The following LYRM9 variants were observed in gnomAD, a reference collection of about 807,000 sequenced individuals.
LYRM9 encodes the protein LYR motif containing 9, also known as LYR motif-containing protein 9.
LYRM9 carries 14 observed loss-of-function variants against 12.6 expected under a neutral mutation model. The ratio of observed to expected loss-of-function variants is 1.11; its 90% CI spans 0.73 to 1.73. LYRM9 has a LOEUF of 1.73. Ranked by LOEUF, LYRM9 falls within the 40% of genes most tolerant of loss-of-function variation. LYRM9 has a pLI of 0.00. For synonymous variants in LYRM9, 42 were observed against 35.1 expected (o/e 1.20, Z -0.69); for missense variants, 94 against 95.0 (o/e 0.99, Z 0.04).
chr17:27,882,806 G>A (rs964269134), intron 1 of LYRM9, 94 bp from the exon 2 acceptor site: 10 of 1,375,174 alleles, frequency 7.3e-6, no homozygotes, highest in African/African-American at 2.9e-5. Context: ...AGCAAGCTTG[G>A]TGCAGTGCAG....
At chr17:27,887,714 GTGTGT>G (rs1478024164) in intron 1 of LYRM9, among the ~76,000 whole-genome samples, 1 of 111,930 alleles carries the variant, frequency 8.9e-6, no homozygotes, top group Non-Finnish European at 1.8e-5. Context: ...AGGAGGGAGG[GTGTGT>G]GTGTGTGTGT....
chr17:27,882,538 A>C, intron 2 of LYRM9, 31 bp downstream of exon 2: 1 of 1,538,554 alleles, frequency 6.5e-7, no homozygotes, highest in Non-Finnish European at 8.8e-7. Context: ...CATTAGAGGC[A>C]GCCCCCAGAC....
In LYRM9 at chr17:27,880,356, A is replaced by C; in HGVS notation, c.137T>G (p.Val46Gly). ...YKHAVRQSFR[V>G]HSDEDNPERI... is the part of the protein sequence containing the mutation. ...CTCAGGGTTGTCTTCATCTGAATGA[A>C]CCCGAAAACTCTGCAAGTTTAAGCA... is the stretch of plus-strand genomic sequence containing the variant. Residue 46 changes from valine to glycine, a missense_variant, in exon 3 of 4, where the codon GTT becomes GGT. By Grantham distance (109) the Val-to-Gly change is moderately radical. Transcript: ENST00000379102. The C allele has an allele frequency of 6.2e-7, 1 of 1,604,338 alleles. No individual in the cohort carries two copies. Among genetic ancestry groups the C allele is most frequent in the Non-Finnish European group, 8.5e-7 (1 of 1,174,980 alleles).
chr17:27,883,259 G>T, intron 1 of LYRM9: 1 of 280,008 alleles, frequency 3.6e-6, no homozygotes, highest in East Asian at 1.1e-4. Flanking sequence ...GATGCCAGGA[G>T]ATTTGCAGGC....
At chr17:27,884,477 C>T (rs976055792) in intron 1 of LYRM9, among the ~76,000 whole-genome samples, 36 of 152,242 alleles carry the variant, frequency 2.4e-4, no homozygotes, top group African/African-American at 7.5e-4. Context: ...GCTCCCTGGC[C>T]GTGGACTCCT....
chr17:27,887,704 A>AGGAG (rs1173410065), intron 1 of LYRM9, among the ~76,000 whole-genome samples: 1,628 of 141,994 alleles, frequency 0.011, 32 homozygotes, highest in African/African-American at 0.04. Flanking sequence ...CAGAACCTAT[A>AGGAG]GGAGGGAGGG....
intron 2 of LYRM9, among the ~76,000 whole-genome samples, chr17:27,882,314 C>T (rs1905086921): frequency 6.6e-6 from 1 of 152,134 alleles, no homozygotes; most frequent in East Asian, 1.9e-4. Context: ...ATGTCGTGTC[C>T]CACAGTCTAT....
At chr17:27,890,681 T>A (rs1216457102) in intron 1 of LYRM9, among the ~76,000 whole-genome samples, 2 of 152,122 alleles carry the variant, frequency 1.3e-5, no homozygotes, top group East Asian at 3.8e-4. Flanking sequence ...TGGGAAAAAG[T>A]CATATATTAA....
chr17:27,883,414 TTAAG>T (rs1220584908), intron 1 of LYRM9: 2 of 173,972 alleles, frequency 1.1e-5, no homozygotes, highest in African/African-American at 4.8e-5. Flanking sequence ...GCTCACGCCT[TTAAG>T]TAGGGCAGAT....
intron 1 of LYRM9, among the ~76,000 whole-genome samples, chr17:27,885,421 C>T (rs759863852): frequency 3.9e-5 from 6 of 151,950 alleles, no homozygotes; most frequent in Non-Finnish European, 5.9e-5. Context: ...GCCCAAATAA[C>T]GTATTTGGGC....
At chr17:27,879,574 TG>T in intron 3 of LYRM9, 84 bp from the exon 4 acceptor site, 1 of 1,468,402 alleles carries the variant, frequency 6.8e-7, no homozygotes, top group Non-Finnish European at 9.3e-7. Flanking sequence ...CTCCATCATC[TG>T]GACCTCACCT....
rs987387134 is a variant in LYRM9 at position 27,878,959 on chromosome 17, C to T, written c.*514G>A. On this transcript the variant is annotated 3_prime_UTR_variant, in exon 4 of 4. Transcript: ENST00000379102. ...GGCGCTGCAGGAGCAGAGGAGGGGG[C>T]GGGGCAGGACGGCTTCCTTGAAGGG... 6 of 154,686 alleles carry T rather than the reference C, an allele frequency of 3.9e-5. No homozygotes were observed. The highest frequency in any genetic ancestry group is 8.6e-5 in the Non-Finnish European group (6 of 69,692). The allele number at this position is 154,686 out of a possible 1,614,324, so 9.6% of individuals were successfully genotyped here. A position where few individuals can be genotyped will look rare whatever the true frequency, so the allele number is the denominator to read the frequency against.
At position 27,882,288 on chromosome 17, in the gene LYRM9, G is replaced by A. The variant is rs536218764; in HGVS notation, c.126+281C>T. Reference sequence around the variant, plus strand: ...ATTCAAGTTGTGCACTGTTGGCAGGGATGCCTGCCTAAATGATGTCGTGTC... The same window carrying A: ...ATTCAAGTTGTGCACTGTTGGCAGGAATGCCTGCCTAAATGATGTCGTGTC... On this transcript the variant is annotated intron_variant, in intron 2 of 3. Transcript: ENST00000379102. Among the ~76,000 whole-genome samples the A allele has an allele frequency of 2.6e-5, 4 of 152,328 alleles. No individual in the cohort carries two copies. In the South Asian group the frequency reaches 6.2e-4, roughly 24 times the overall value.
rs953593429 is a variant in LYRM9 at position 27,886,270 on chromosome 17, C to T, written c.-18-3558G>A. ...TAGTAACCAACCCAGCAAGTATGGG[C>T]GGCAGATTATTTTCAGCTCAATTAT... On this transcript the variant is annotated intron_variant, in intron 1 of 3. Transcript: ENST00000379102. This position sits in a 1 kb window ranked among gnomAD's most constrained non-coding sequence, Gnocchi z 4.8. 2.0e-5 allele frequency among the ~76,000 whole-genome samples: 3 copies of T among 152,156 alleles called. No individual in the cohort carries two copies. Among genetic ancestry groups the T allele is most frequent in the Admixed American group, 6.5e-5 (1 of 15,272 alleles).
Position 27,880,367 on chromosome 17 carries a change from C to G in LYRM9, c.127-1G>C. ...CTTCATCTGAATGAACCCGAAAACT[C>G]TGCAAGTTTAAGCATAAAGAAAGAT... On this transcript the variant is annotated splice_acceptor_variant, in intron 2 of 3. Transcript: ENST00000379102. LOFTEE classifies it high-confidence loss of function. 6.3e-7 allele frequency: 1 copy of G among 1,598,982 alleles called. No homozygotes were observed. The highest frequency in any genetic ancestry group is 8.5e-7 in the Non-Finnish European group (1 of 1,172,102).
intron 2 of LYRM9, among the ~76,000 whole-genome samples, 159 bp downstream of exon 2, chr17:27,882,410 G>A (rs972169841): frequency 1.3e-5 from 2 of 152,184 alleles, no homozygotes; most frequent in African/African-American, 2.4e-5. Flanking sequence ...GGACAGAGAG[G>A]AGCTGGGCTG....
chr17:27,880,450 A>T, intron 2 of LYRM9, 84 bp from the exon 3 acceptor site: 2 of 883,830 alleles, frequency 2.3e-6, no homozygotes, highest in Non-Finnish European at 3.6e-6. Context: ...GGCCAGGGAC[A>T]CTGCTGGGCA....
chr17:27,881,774 G>T (rs1406306366), intron 2 of LYRM9, among the ~76,000 whole-genome samples: 1 of 151,134 alleles, frequency 6.6e-6, no homozygotes, highest in African/African-American at 2.4e-5. Context: ...ATAATCCATA[G>T]CCCATATTCC....
intron 1 of LYRM9, among the ~76,000 whole-genome samples, chr17:27,884,616 G>A (rs1245117411): frequency 2.6e-5 from 4 of 152,314 alleles, no homozygotes; most frequent in African/African-American, 2.4e-5. Context: ...CTGTGGGGCT[G>A]CAGTGCCCCG....
Sources: allele counts gnomAD v4.1 joint callset (sites outside exome capture counted in the v4.1 genomes callset), GRCh38; gene constraint gnomAD v4.1.1; non-coding constraint Gnocchi (gnomAD v3.1); transcripts MANE v1.5; gene names NCBI Gene and HGNC (gene_info 2026-07-23, HGNC 2026-07-21).